EXOC1: variants seen among roughly 807,000 people sequenced by gnomAD.
EXOC1 encodes the protein SEC3-like 1.
In EXOC1, 67 loss-of-function variants were observed where a neutral mutation model predicts 107.7. That is an observed-to-expected ratio of 0.62 (90% CI 0.51 to 0.76). The LOEUF is 0.76. EXOC1 is among the 30% of genes least tolerant of loss of function. The pLI, the probability that EXOC1 is intolerant of heterozygous loss-of-function variation, is 0.00. For synonymous variants in EXOC1, 348 were observed against 353.5 expected, an observed-to-expected ratio of 0.98 and a Z score of 0.17; for missense variants, 833 against 1,055.7, an observed-to-expected ratio of 0.79 and a Z score of 2.92.
chr4:55,889,396 A>C (rs905531582), intron 11 of EXOC1, among the ~76,000 whole-genome samples: 2 of 152,210 alleles, frequency 1.3e-5, no homozygotes, highest in Non-Finnish European at 2.9e-5. Flanking sequence ...GAATAAAAAT[A>C]TCACATTTTC....
At chr4:55,881,483 A>C (rs1320348060) in intron 9 of EXOC1, among the ~76,000 whole-genome samples, 29 of 152,166 alleles carry the variant, frequency 1.9e-4, no homozygotes, top group Admixed American at 1.9e-3. Flanking sequence ...CCCATGATAC[A>C]GCCTCAGGAG....
intron 3 of EXOC1, among the ~76,000 whole-genome samples, chr4:55,863,235 T>C (rs1033293814): frequency 6.6e-6 from 1 of 152,110 alleles, no homozygotes; most frequent in Admixed American, 6.5e-5. Flanking sequence ...GTTCTATTCA[T>C]TCAAGGGAGA....
intron 4 of EXOC1, 85 bp downstream of exon 4, chr4:55,864,471 T>A: frequency 8.6e-7 from 1 of 1,156,416 alleles, no homozygotes; most frequent in Non-Finnish European, 1.2e-6. Context: ...TTAATTAGAA[T>A]ACTGAATTAT....
intron 12 of EXOC1, 90 bp downstream of exon 12, chr4:55,890,476 G>T: frequency 2.8e-6 from 3 of 1,074,820 alleles, no homozygotes; most frequent in Admixed American, 2.2e-5. Flanking sequence ...AAAGATTTGG[G>T]TTCTTCTGGC....
chr4:55,869,806 A>G (rs1464869716), intron 5 of EXOC1, among the ~76,000 whole-genome samples: 1 of 152,244 alleles, frequency 6.6e-6, no homozygotes, highest in Non-Finnish European at 1.5e-5. Context: ...CGTCAGCTGT[A>G]CAATGATATC....
At chr4:55,894,005 T>C (rs1157343591) in intron 15 of EXOC1, among the ~76,000 whole-genome samples, 1 of 152,028 alleles carries the variant, frequency 6.6e-6, no homozygotes, top group Admixed American at 6.6e-5. Flanking sequence ...CTGGAGGAAG[T>C]GGCACAGTGG....
Position 55,871,902 on chromosome 4 carries a change from C to T in EXOC1, c.1018C>T (p.Arg340Ter), listed in dbSNP as rs768562119. The T allele has an allele frequency of 5.6e-6, 9 of 1,613,690 alleles. No homozygotes were observed. The highest frequency in any genetic ancestry group is 2.2e-5 in the South Asian group (2 of 91,086). ...KQQQQRFSDL[R>*]ELFARRLASH... ...GCAACAGCAGCGATTCAGTGATTTG[C>T]GAGAGCTTTTTGCCCGGAGACTGGC... The change falls in exon 8 of 19, where the codon CGA (arginine) becomes TGA (stop). Residue 340 changes from arginine (R) to a stop codon, truncating the protein, a stop_gained. Coordinates refer to ENST00000381295, the MANE Select transcript of EXOC1 (RefSeq NM_001024924.2). LOFTEE classifies it high-confidence loss of function.
intron 10 of EXOC1, among the ~76,000 whole-genome samples, chr4:55,887,023 A>T (rs1723951735): frequency 6.6e-6 from 1 of 152,178 alleles, no homozygotes; most frequent in Non-Finnish European, 1.5e-5. Context: ...TGATATTTTC[A>T]AAGGCATGGA....
chr4:55,886,642 A>C (rs1292983056), intron 10 of EXOC1, among the ~76,000 whole-genome samples: 1 of 152,122 alleles, frequency 6.6e-6, no homozygotes, highest in Non-Finnish European at 1.5e-5. Context: ...TATAATTAAA[A>C]TAGAAATCTC....
intron 3 of EXOC1, among the ~76,000 whole-genome samples, chr4:55,862,783 A>C (rs1045725534): frequency 6.6e-6 from 1 of 152,130 alleles, no homozygotes; most frequent in Admixed American, 6.5e-5. Context: ...CCCAAATAAC[A>C]CTTTAAATGA....
In EXOC1 at chr4:55,860,407, A is replaced by G; in HGVS notation, c.125-4A>G. The G allele has an allele frequency of 1.2e-6, 2 of 1,613,542 alleles. No individual in the cohort carries two copies. Among genetic ancestry groups the G allele is most frequent in the Non-Finnish European group, 1.7e-6 (2 of 1,179,592 alleles). On this transcript the variant is annotated splice_region_variant and splice_polypyrimidine_tract_variant and intron_variant, in intron 2 of 18. Coordinates refer to ENST00000381295, the MANE Select transcript of EXOC1 (RefSeq NM_001024924.2). ...CTAATAAAAGTGTGCGTTTTACTCAACAGTGACAACTGAACGCCCTGTGCA... is the reference window on the plus strand; with the variant it reads ...CTAATAAAAGTGTGCGTTTTACTCAGCAGTGACAACTGAACGCCCTGTGCA...
intron 1 of EXOC1, among the ~76,000 whole-genome samples, chr4:55,855,496 C>T (rs1720875926): frequency 6.6e-6 from 1 of 152,102 alleles, no homozygotes; most frequent in African/African-American, 2.4e-5. Flanking sequence ...CCTAGTTTGT[C>T]AAGTTCTAGG....
At chr4:55,863,043 C>A (rs1023714173) in intron 3 of EXOC1, among the ~76,000 whole-genome samples, 1 of 151,886 alleles carries the variant, frequency 6.6e-6, no homozygotes, top group Non-Finnish European at 1.5e-5. Flanking sequence ...TGGGACTACA[C>A]GTACATGCCA....
chr4:55,858,918 A>G (rs558536772), intron 2 of EXOC1, among the ~76,000 whole-genome samples: 9 of 152,278 alleles, frequency 5.9e-5, no homozygotes, highest in Admixed American at 5.9e-4. Flanking sequence ...GAAATTAATT[A>G]ATCCTTTATG....
At chr4:55,870,288 T>C (rs1282912230) in intron 5 of EXOC1, among the ~76,000 whole-genome samples, 1 of 152,228 alleles carries the variant, frequency 6.6e-6, no homozygotes, top group Non-Finnish European at 1.5e-5. Context: ...TTCTAGCTGG[T>C]AGAATTGGAG....
At chr4:55,858,482 A>T in intron 2 of EXOC1, 35 bp downstream of exon 2, 1 of 1,534,078 alleles carries the variant, frequency 6.5e-7, no homozygotes, top group Non-Finnish European at 8.7e-7. Flanking sequence ...CTTGTTTTGT[A>T]TCCTTTTATT....
intron 10 of EXOC1, among the ~76,000 whole-genome samples, chr4:55,884,561 G>A (rs531582043): frequency 9.9e-5 from 15 of 152,258 alleles, no homozygotes; most frequent in African/African-American, 3.4e-4. Context: ...TGAAAGAATA[G>A]CCAGTGACAG....
At chr4:55,904,254 T>C in intron 18 of EXOC1, 89 bp from the exon 19 acceptor site, 1 of 1,319,070 alleles carries the variant, frequency 7.6e-7, no homozygotes, top group Non-Finnish European at 1.0e-6. Context: ...ACTACCCAAA[T>C]TCTTAGAATA....
intron 9 of EXOC1, 45 bp from the exon 10 acceptor site, chr4:55,883,778 A>G (rs745428581): frequency 3.0e-5 from 36 of 1,218,956 alleles, no homozygotes; most frequent in Admixed American, 5.4e-5. Flanking sequence ...TGAAATTGTT[A>G]TATGTGTTTT....
Sources: gnomAD v4.1 joint callset for allele counts (sites outside exome capture counted in the v4.1 genomes callset) on GRCh38, gnomAD v4.1.1 for gene constraint, MANE v1.5 for transcripts, NCBI Gene and HGNC (gene_info 2026-07-23, HGNC 2026-07-21) for gene names.